The following PCDH9 variants were observed in gnomAD, a reference collection of about 807,000 sequenced individuals.
The protein encoded by PCDH9 is protocadherin-9.
PCDH9 carries 24 observed loss-of-function variants against 70.6 expected under a neutral mutation model. That is an observed-to-expected ratio of 0.34 (90% CI 0.25 to 0.48). The LOEUF is 0.48. PCDH9 is among the 20% of genes least tolerant of loss of function. The pLI is 0.99. For missense variants in PCDH9, 1,281 were observed against 1,503.6 expected (o/e 0.85, Z 2.45); for synonymous variants, 562 against 558.5 (o/e 1.01, Z -0.09).
chr13:66,594,485 T>C, intron 4 of PCDH9, among the ~76,000 whole-genome samples: 1 of 120,042 alleles, frequency 8.3e-6, no homozygotes, highest in African/African-American at 3.1e-5. Context: ...TTATTTTATT[T>C]TATTTTATTT....
chr13:66,512,056 G>A (rs1043843930), intron 4 of PCDH9, among the ~76,000 whole-genome samples: 3 of 152,004 alleles, frequency 2.0e-5, no homozygotes, highest in African/African-American at 7.2e-5. Flanking sequence ...AGTTAATGAA[G>A]CTTAACTTTT....
At chr13:66,517,711 G>C (rs1438899598) in intron 4 of PCDH9, among the ~76,000 whole-genome samples, 1 of 152,070 alleles carries the variant, frequency 6.6e-6, no homozygotes, top group Non-Finnish European at 1.5e-5. Context: ...TAAGATTTAA[G>C]CTCTATTTTA....
rs546174646 is a variant in PCDH9 at position 66,874,414 on chromosome 13, C to A, written c.3138+29090G>T. ...GTAGTCACTTAGAGATCATTTTTACCCTGATTCTGTCATCTGCCTTGTAGA... is the reference window on the plus strand; with the variant it reads ...GTAGTCACTTAGAGATCATTTTTACACTGATTCTGTCATCTGCCTTGTAGA... On this transcript the variant is annotated intron_variant, in intron 3 of 4. Coordinates refer to ENST00000377865, the MANE Select transcript of PCDH9 (RefSeq NM_203487.3). Among the ~76,000 whole-genome samples the A allele has an allele frequency of 1.8e-4, 27 of 151,954 alleles. No homozygotes were observed. In the South Asian group the frequency reaches 4.2e-3, roughly 23 times the overall value.
intron 2 of PCDH9, among the ~76,000 whole-genome samples, chr13:67,187,193 G>A (rs1046046357): frequency 1.3e-5 from 2 of 152,066 alleles, no homozygotes; most frequent in Non-Finnish European, 2.9e-5. Context: ...CACACCCAAC[G>A]ACTTAAAACT....
intron 2 of PCDH9, among the ~76,000 whole-genome samples, chr13:67,079,843 A>G (rs1431910375): frequency 6.6e-6 from 1 of 152,164 alleles, no homozygotes; most frequent in Non-Finnish European, 1.5e-5. Flanking sequence ...CTTGGTCTCT[A>G]CAACCCCCTT....
chr13:66,647,143 A>G (rs538062069), intron 3 of PCDH9, among the ~76,000 whole-genome samples: 2 of 152,148 alleles, frequency 1.3e-5, no homozygotes, highest in East Asian at 3.9e-4. Context: ...TCCTAACCAA[A>G]TTCTGATGCT....
chr13:66,519,116 C>T (rs1010251131), intron 4 of PCDH9, among the ~76,000 whole-genome samples: 1 of 152,116 alleles, frequency 6.6e-6, no homozygotes, highest in Non-Finnish European at 1.5e-5. Context: ...TAACTGAACA[C>T]ATGAGCTGTA....
chr13:67,123,579 GTTAGT>G (rs1306369334), intron 2 of PCDH9, among the ~76,000 whole-genome samples: 1 of 152,026 alleles, frequency 6.6e-6, no homozygotes, highest in Non-Finnish European at 1.5e-5. Flanking sequence ...ATCATCATTG[GTTAGT>G]TTAATTATTA....
chr13:66,559,334 C>T (rs1209922971), intron 4 of PCDH9, among the ~76,000 whole-genome samples: 1 of 152,046 alleles, frequency 6.6e-6, no homozygotes, highest in Admixed American at 6.5e-5. Context: ...GAAAATTTGC[C>T]TTTGATGTTG....
intron 2 of PCDH9, among the ~76,000 whole-genome samples, chr13:67,035,627 T>C (rs763078175): frequency 7.3e-4 from 110 of 150,210 alleles, no homozygotes; most frequent in Non-Finnish European, 1.3e-3. Context: ...AAATTTTGAC[T>C]TGTTAAAAAA....
chr13:66,350,957 T>A (rs1566261429), intron 4 of PCDH9, among the ~76,000 whole-genome samples: 1 of 152,162 alleles, frequency 6.6e-6, no homozygotes, highest in Non-Finnish European at 1.5e-5. Flanking sequence ...TTACCAAATA[T>A]CATTGCTAAT....
At chr13:66,729,874 C>T (rs573527193) in intron 3 of PCDH9, among the ~76,000 whole-genome samples, 1 of 152,250 alleles carries the variant, frequency 6.6e-6, no homozygotes, top group East Asian at 1.9e-4. Flanking sequence ...CTAAGTCAGA[C>T]CATTTTACAT....
intron 2 of PCDH9, among the ~76,000 whole-genome samples, chr13:67,134,023 C>T (rs891314813): frequency 2.6e-5 from 4 of 151,996 alleles, no homozygotes; most frequent in African/African-American, 7.2e-5. Context: ...AAATCAATAG[C>T]ATTTTGATGA....
intron 4 of PCDH9, among the ~76,000 whole-genome samples, chr13:66,365,563 A>T (rs1260996442): frequency 6.6e-6 from 1 of 152,202 alleles, no homozygotes; most frequent in Non-Finnish European, 1.5e-5. Flanking sequence ...GTGTTAAATG[A>T]TAATCAGGTA....
At chr13:66,850,921 T>G (rs573190535) in intron 3 of PCDH9, among the ~76,000 whole-genome samples, 2 of 152,330 alleles carry the variant, frequency 1.3e-5, no homozygotes, top group South Asian at 4.1e-4. Context: ...TGCTTTGAAA[T>G]AGTGTACTTA....
chr13:66,784,166 A>G (rs2080043093), intron 3 of PCDH9, among the ~76,000 whole-genome samples: 1 of 152,158 alleles, frequency 6.6e-6, no homozygotes, highest in Non-Finnish European at 1.5e-5. Flanking sequence ...TAGTACTATA[A>G]TGTTTAGCAA....
chr13:66,865,568 A>G (rs1168674112), intron 3 of PCDH9, among the ~76,000 whole-genome samples: 1 of 152,214 alleles, frequency 6.6e-6, no homozygotes, highest in Admixed American at 6.5e-5. Flanking sequence ...GAAGTATTAG[A>G]TAATAGACAT....
intron 4 of PCDH9, among the ~76,000 whole-genome samples, chr13:66,339,683 A>G (rs139004231): frequency 1.5e-3 from 226 of 152,244 alleles, no homozygotes; most frequent in South Asian, 3.1e-3. Context: ...GACAAAATGC[A>G]TCTATTCATT....
intron 2 of PCDH9, among the ~76,000 whole-genome samples, chr13:67,013,719 A>G (rs1295939160): frequency 8.2e-6 from 1 of 121,924 alleles, no homozygotes; most frequent in Admixed American, 8.5e-5. Context: ...TTGTTGATGG[A>G]TAACAAAAAA....
Sources: gnomAD v4.1 joint callset for allele counts (sites outside exome capture counted in the v4.1 genomes callset) on GRCh38, gnomAD v4.1.1 for gene constraint, MANE v1.5 for transcripts, NCBI Gene and HGNC (gene_info 2026-07-23, HGNC 2026-07-21) for gene names.